SLC44A1: variants seen among roughly 807,000 people sequenced by gnomAD.
SLC44A1 encodes solute carrier family 44 member 1.
SLC44A1 carries 26 observed loss-of-function variants against 79.3 expected under a neutral mutation model. The ratio of observed to expected loss-of-function variants is 0.33; its 90% CI spans 0.24 to 0.46. The LOEUF (loss-of-function observed/expected upper bound fraction) is 0.46, where lower values mean the gene tolerates loss of function less well. Ranked by LOEUF, SLC44A1 falls within the 20% of genes least tolerant of loss-of-function variation. The probability of loss-of-function intolerance (pLI) is 1.00; values close to 1 mark genes in which losing one functional copy is unlikely to be tolerated. For synonymous variants in SLC44A1, 263 were observed against 286.2 expected, an observed-to-expected ratio of 0.92 and a Z score of 0.82; for missense variants, 688 against 798.1, an observed-to-expected ratio of 0.86 and a Z score of 1.66.
intron 3 of SLC44A1, among the ~76,000 whole-genome samples, chr9:105,325,430 GA>G (rs368586932): frequency 1.4e-3 from 207 of 152,292 alleles, no homozygotes; most frequent in Middle Eastern, 6.8e-3. Flanking sequence ...AAAGAAAAAG[GA>G]ATGTATTTCT....
chr9:105,396,910 T>C lies in SLC44A1; in HGVS notation c.*7854T>C, dbSNP rs1828887943. The C allele has an allele frequency of 1.0e-6, 1 of 985,058 alleles. No homozygotes were observed. Among genetic ancestry groups the C allele is most frequent in the South Asian group, 4.7e-5 (1 of 21,288 alleles). 61.0% of individuals were successfully genotyped at this position (985,058 alleles called of 1,614,324 possible). A position where few individuals can be genotyped will look rare whatever the true frequency, so the allele number is the denominator to read the frequency against. ...TTACAGTGTCACTACACTGTATTCATGTGGGGGAACAAACATGTAGGTGCT... is the reference window on the plus strand; with the variant it reads ...TTACAGTGTCACTACACTGTATTCACGTGGGGGAACAAACATGTAGGTGCT... On this transcript the variant is annotated 3_prime_UTR_variant, in exon 16 of 16. Transcript: ENST00000374720.
downstream of SLC44A1, among the ~76,000 whole-genome samples, chr9:105,400,728 C>T (rs1415865123): frequency 6.6e-6 from 1 of 152,002 alleles, no homozygotes; most frequent in Non-Finnish European, 1.5e-5. Context: ...AATATAGGTT[C>T]CCAGGTTTTT....
At chr9:105,355,068 A>G (rs1297182870) in intron 5 of SLC44A1, among the ~76,000 whole-genome samples, 1 of 152,258 alleles carries the variant, frequency 6.6e-6, no homozygotes, top group Non-Finnish European at 1.5e-5. Context: ...ATTTAAAAAA[A>G]GTTGTAAGAA....
intron 12 of SLC44A1, among the ~76,000 whole-genome samples, chr9:105,371,862 GTGTTCTTTCAGAATAGAACTGGC>G (rs1210780918): frequency 1.6e-4 from 25 of 152,140 alleles, no homozygotes; most frequent in African/African-American, 6.0e-4. Context: ...GAACCAATCT[GTGTTCTTTCAGAATAGAACTGGC>G]TGGGGCAGTT....
At chr9:105,428,196 C>T (rs1029413483) in intron 15 of SLC44A1, among the ~76,000 whole-genome samples, 5 of 151,960 alleles carry the variant, frequency 3.3e-5, no homozygotes, top group East Asian at 1.9e-4. Flanking sequence ...AATTCCCTTA[C>T]GCCCCCAAAT....
Position 105,390,785 on chromosome 9 carries a change from A to G in SLC44A1, c.*1729A>G. 1 of 985,482 alleles carries G rather than the reference A, an allele frequency of 1.0e-6. No homozygotes were observed. The highest frequency in any genetic ancestry group is 1.2e-6 in the Non-Finnish European group (1 of 829,612). 61.0% of individuals were successfully genotyped at this position (985,482 alleles called of 1,614,324 possible). ...AATAAGAGTCTGGATTTTAAAAAACACATGCATACACACAATTAAGAGCTC... is the reference window on the plus strand; with the variant it reads ...AATAAGAGTCTGGATTTTAAAAAACGCATGCATACACACAATTAAGAGCTC... On this transcript the variant is annotated 3_prime_UTR_variant, in exon 16 of 16. Transcript: ENST00000374720.
At position 105,389,726 on chromosome 9, in the gene SLC44A1, A is replaced by G; in HGVS notation, c.*670A>G. 1 of 1,280,192 alleles carries G rather than the reference A, an allele frequency of 7.8e-7. No individual in the cohort carries two copies. Among genetic ancestry groups the G allele is most frequent in the East Asian group, 3.1e-5 (1 of 32,778 alleles). The allele number at this position is 1,280,192 out of a possible 1,614,324, so 79.3% of individuals were successfully genotyped here. On this transcript the variant is annotated 3_prime_UTR_variant, in exon 16 of 16. Transcript: ENST00000374720. ...TTACCCTAACGCTTCTTTAAAAGAA[A>G]GTAGGTAAAAAAAGAAAAGGGTAGA...
At chr9:105,322,924 A>G (rs1235910898) in intron 3 of SLC44A1, among the ~76,000 whole-genome samples, 1 of 152,018 alleles carries the variant, frequency 6.6e-6, no homozygotes, top group Non-Finnish European at 1.5e-5. Flanking sequence ...TGTTGAGGCA[A>G]TAAAGAAATT....
At chr9:105,421,576 A>C (rs895543489) in intron 15 of SLC44A1, among the ~76,000 whole-genome samples, 2 of 151,148 alleles carry the variant, frequency 1.3e-5, no homozygotes, top group Admixed American at 1.3e-4. Flanking sequence ...AAGACTTCAG[A>C]AATCTCTTTT....
At chr9:105,431,309 A>C (rs1039737776) in intron 15 of SLC44A1, among the ~76,000 whole-genome samples, 1 of 152,246 alleles carries the variant, frequency 6.6e-6, no homozygotes, top group Non-Finnish European at 1.5e-5. Context: ...GTGGATATCC[A>C]GTTGTCCCAT....
intron 1 of SLC44A1, among the ~76,000 whole-genome samples, chr9:105,254,221 A>G (rs1179711335): frequency 6.6e-6 from 1 of 152,184 alleles, no homozygotes; most frequent in Non-Finnish European, 1.5e-5. Flanking sequence ...ATTTTACGGA[A>G]GGTAGCTTTT....
At chr9:105,327,584 C>A (rs1241951114) in intron 3 of SLC44A1, among the ~76,000 whole-genome samples, 2 of 152,160 alleles carry the variant, frequency 1.3e-5, no homozygotes, top group Non-Finnish European at 2.9e-5. Context: ...TAAGGCCCTG[C>A]ATGATCTAGC....
At chr9:105,325,484 T>C (rs1387273867) in intron 3 of SLC44A1, among the ~76,000 whole-genome samples, 2 of 152,224 alleles carry the variant, frequency 1.3e-5, no homozygotes, top group African/African-American at 2.4e-5. Context: ...AGGTTCTACA[T>C]CTCATGAGAG....
At chr9:105,385,648 T>C (rs1828608896) in intron 15 of SLC44A1, 146 bp downstream of exon 15, 1 of 1,425,138 alleles carries the variant, frequency 7.0e-7, no homozygotes, top group African/African-American at 1.4e-5. Context: ...TTTGTGTGCT[T>C]ACCCATCACT....
intron 15 of SLC44A1, among the ~76,000 whole-genome samples, chr9:105,407,843 C>A (rs1829047797): frequency 6.6e-6 from 1 of 151,578 alleles, no homozygotes; most frequent in Admixed American, 6.6e-5. Context: ...GCACTCCAGC[C>A]TGGACAACAG....
rs1828710616 is a variant in SLC44A1 at position 105,389,501 on chromosome 9, C to T, written c.*445C>T. The T allele has an allele frequency of 3.0e-5, 31 of 1,044,486 alleles. No homozygotes were observed. Among genetic ancestry groups the T allele is most frequent in the Non-Finnish European group, 3.6e-5 (31 of 868,406 alleles). 64.7% of individuals were successfully genotyped at this position (1,044,486 alleles called of 1,614,324 possible). A position where few individuals can be genotyped will look rare whatever the true frequency, so the allele number is the denominator to read the frequency against. On this transcript the variant is annotated 3_prime_UTR_variant, in exon 16 of 16. Transcript: ENST00000374720. ...AAATCAAGATCTTATTTTACTGATG[C>T]ATAAGTCCTAGTGGGTCAAGACTAG...
chr9:105,273,041 G>T (rs760609122), intron 1 of SLC44A1, among the ~76,000 whole-genome samples: 15 of 151,586 alleles, frequency 9.9e-5, no homozygotes, highest in Non-Finnish European at 2.1e-4. Flanking sequence ...ACCCAGGCTG[G>T]AATGTAGTGG....
intron 1 of SLC44A1, among the ~76,000 whole-genome samples, chr9:105,256,849 G>A (rs1386160422): frequency 1.1e-4 from 16 of 150,764 alleles, no homozygotes; most frequent in Non-Finnish European, 2.1e-4. Flanking sequence ...GTGCAGTGGC[G>A]TGATCTCAGC....
chr9:105,267,615 T>C (rs554416531), intron 1 of SLC44A1, among the ~76,000 whole-genome samples: 7 of 152,338 alleles, frequency 4.6e-5, no homozygotes, highest in African/African-American at 9.6e-5. Flanking sequence ...TTCTTTTCAG[T>C]ATTCTTTTTT....
Sources: gnomAD v4.1 joint callset for allele counts (sites outside exome capture counted in the v4.1 genomes callset) on GRCh38, gnomAD v4.1.1 for gene constraint, MANE v1.5 for transcripts, NCBI Gene and HGNC (gene_info 2026-07-23, HGNC 2026-07-21) for gene names.